The following PDXK variants were observed in gnomAD, a reference collection of about 807,000 sequenced individuals.
PDXK encodes epididymis secretory sperm binding protein Li 1a.
In PDXK, 15 loss-of-function variants were observed where a neutral mutation model predicts 43.2. That is an observed-to-expected ratio of 0.35 (90% CI 0.23 to 0.53). PDXK has a LOEUF of 0.53. Ranked by LOEUF, PDXK falls within the 20% of genes least tolerant of loss-of-function variation. The pLI is 0.92. For missense variants in PDXK, 343 were observed against 417.0 expected (o/e 0.82, Z 1.54); for synonymous variants, 172 against 165.4 (o/e 1.04, Z -0.31).
In PDXK at chr21:43,756,418, T is replaced by G; in HGVS notation, c.*355T>G. ...GCCTCGAGTGGGCCCTGGCTGCCAC[T>G]ACCGTACAGAGGCCGTGTCGCGCTG... On this transcript the variant is annotated 3_prime_UTR_variant, in exon 11 of 11. Coordinates refer to ENST00000291565, the MANE Select transcript of PDXK (RefSeq NM_003681.5). The G allele has an allele frequency of 8.2e-6, 2 of 244,630 alleles. No homozygotes were observed. The highest frequency in any genetic ancestry group is 2.3e-5 in the African/African-American group (1 of 43,790). The allele number at this position is 244,630 out of a possible 1,614,324, so 15.2% of individuals were successfully genotyped here.
intron 1 of PDXK, among the ~76,000 whole-genome samples, chr21:43,721,034 G>T (rs539248660): frequency 6.6e-6 from 1 of 152,124 alleles, no homozygotes; most frequent in African/African-American, 2.4e-5. Context: ...TTCCTACCTC[G>T]GGTCTCCCCA....
At chr21:43,733,536 C>G in intron 1 of PDXK, 1 of 427,398 alleles carries the variant, frequency 2.3e-6, no homozygotes, top group Non-Finnish European at 3.2e-6. Context: ...CTCACCCTCT[C>G]CCTCCCTCTC....
intron 2 of PDXK, chr21:43,738,443 C>G (rs2083440399): frequency 6.6e-6 from 1 of 152,166 alleles, no homozygotes. Flanking sequence ...TCTCACACTG[C>G]TAATTGTTGG....
intron 1 of PDXK, among the ~76,000 whole-genome samples, chr21:43,725,754 G>A (rs1232251523): frequency 1.3e-5 from 2 of 151,986 alleles, no homozygotes; most frequent in Non-Finnish European, 2.9e-5. Context: ...AGGTTGCAGT[G>A]AGCCAAGATT....
intron 7 of PDXK, among the ~76,000 whole-genome samples, chr21:43,750,854 G>A (rs1426669378): frequency 3.3e-5 from 5 of 151,604 alleles, no homozygotes; most frequent in African/African-American, 1.2e-4. Flanking sequence ...GTGTGCACAT[G>A]TGCATGTGCG....
chr21:43,756,884 T>C lies in PDXK; in HGVS notation c.*821T>C, dbSNP rs1310740282. Reference sequence around the variant, plus strand: ...GAGAACCACCCCGTCAGGTTCCTTGTGGAAGCTCCCCTCATCCGTGGTGCA... The same window carrying C: ...GAGAACCACCCCGTCAGGTTCCTTGCGGAAGCTCCCCTCATCCGTGGTGCA... On this transcript the variant is annotated 3_prime_UTR_variant, in exon 11 of 11. Coordinates refer to ENST00000291565, the MANE Select transcript of PDXK (RefSeq NM_003681.5). 1 of 152,384 alleles carries C rather than the reference T, an allele frequency of 6.6e-6. No individual in the cohort carries two copies. The highest frequency in any genetic ancestry group is 2.4e-5 in the African/African-American group (1 of 41,478). 9.4% of individuals were successfully genotyped at this position (152,384 alleles called of 1,614,324 possible). A position where few individuals can be genotyped will look rare whatever the true frequency, so the allele number is the denominator to read the frequency against.
intron 1 of PDXK, chr21:43,728,856 CG>C: frequency 1.0e-6 from 1 of 985,572 alleles, no homozygotes; most frequent in African/African-American, 1.7e-5. Flanking sequence ...ACTTCCGCTG[CG>C]GCCCCCGCAG....
At chr21:43,744,228 G>C (rs1036569909) in intron 4 of PDXK, among the ~76,000 whole-genome samples, 1 of 152,004 alleles carries the variant, frequency 6.6e-6, no homozygotes, top group African/African-American at 2.4e-5. Context: ...TAGGGAGTGG[G>C]GGGAGGGAGG....
intron 1 of PDXK, among the ~76,000 whole-genome samples, chr21:43,724,758 C>G (rs1340107324): frequency 2.6e-5 from 4 of 151,820 alleles, no homozygotes; most frequent in African/African-American, 4.8e-5. Context: ...GGAGGATCAC[C>G]TGATCCCAGG....
chr21:43,739,562 AAGG>A (rs777645225), intron 2 of PDXK, among the ~76,000 whole-genome samples: 3 of 147,804 alleles, frequency 2.0e-5, no homozygotes, highest in Admixed American at 6.8e-5. Context: ...TGGCGGCAGG[AAGG>A]AGAAGTGCAG....
At chr21:43,736,139 G>A (rs2083397522) in intron 2 of PDXK, among the ~76,000 whole-genome samples, 1 of 151,230 alleles carries the variant, frequency 6.6e-6, no homozygotes, top group East Asian at 2.0e-4. Context: ...TTTCCTTTTT[G>A]TTCCCCCTAC....
At position 43,734,006 on chromosome 21, in the gene PDXK, TG is replaced by T; in HGVS notation, c.88-59del. The T allele has an allele frequency of 3.9e-6, 6 of 1,534,166 alleles. No individual in the cohort carries two copies. In the South Asian group the frequency reaches 5.6e-5, roughly 14 times the overall value. On this transcript the variant is annotated intron_variant, in intron 1 of 10. Coordinates refer to ENST00000291565, the MANE Select transcript of PDXK (RefSeq NM_003681.5). The surrounding 1 kb of genome is among the most constrained non-coding windows in gnomAD (Gnocchi z 5.0). ...TCCCCTCTTCTGAGTCAGCACCTGC[TG>T]GGGTTCGTGGGACCCCAGACCTGGC...
rs985087607 is a variant in PDXK at position 43,733,647 on chromosome 21, C to T, written c.88-422C>T. 10 of 1,059,380 alleles carry T rather than the reference C, an allele frequency of 9.4e-6. No homozygotes were observed. In the African/African-American group the frequency reaches 1.0e-4, roughly 11 times the overall value. 65.6% of individuals were successfully genotyped at this position (1,059,380 alleles called of 1,614,324 possible). On this transcript the variant is annotated intron_variant, in intron 1 of 10. Coordinates refer to ENST00000291565, the MANE Select transcript of PDXK (RefSeq NM_003681.5). ...GACTTCTTCCAAGGGGTGGGGTAGA[C>T]GCCCACATTTTCACAGCAGAGACAG...
At chr21:43,741,535 G>A (rs543267321) in intron 2 of PDXK, 132 bp from the exon 3 acceptor site, 22 of 1,491,506 alleles carry the variant, frequency 1.5e-5, no homozygotes, top group African/African-American at 5.6e-5. Flanking sequence ...GATCTCCTTC[G>A]GGTTTGAGCC....
At position 43,752,639 on chromosome 21, in the gene PDXK, C is replaced by T. The variant is rs753672504; in HGVS notation, c.622+10C>T. On this transcript the variant is annotated intron_variant, in intron 8 of 10. Coordinates refer to ENST00000291565, the MANE Select transcript of PDXK (RefSeq NM_003681.5). ...GGGAGTCAGAGGAGGAGTAAGTGCC[C>T]CCATCGTGCACCGTGGCCGCCTCTG... The T allele has an allele frequency of 1.3e-6, 2 of 1,533,908 alleles. No homozygotes were observed. The highest frequency in any genetic ancestry group is 1.8e-6 in the Non-Finnish European group (2 of 1,107,926).
intron 7 of PDXK, among the ~76,000 whole-genome samples, chr21:43,750,751 A>ATGTGTGCG (rs2083723885): frequency 7.4e-6 from 1 of 134,502 alleles, no homozygotes; most frequent in Admixed American, 7.3e-5. Context: ...GTGTGTGTGC[A>ATGTGTGCG]TGTGTGCGTG....
Position 43,756,375 on chromosome 21 carries a change from G to A in PDXK, c.*312G>A, listed in dbSNP as rs977375601. On this transcript the variant is annotated 3_prime_UTR_variant, in exon 11 of 11. Coordinates refer to ENST00000291565, the MANE Select transcript of PDXK (RefSeq NM_003681.5). The stretch of plus-strand genomic sequence containing the variant: ...TGTGGGAGGGTGAGTGGGTGAGGCC[G>A]AGCCTGCTGCGTGTGGAGCCTCGAG... 20 of 310,126 alleles carry A rather than the reference G, an allele frequency of 6.4e-5. No individual in the cohort carries two copies. The highest frequency in any genetic ancestry group is 3.5e-4 in the East Asian group (4 of 11,572). The allele number at this position is 310,126 out of a possible 1,614,324, so 19.2% of individuals were successfully genotyped here.
In PDXK at chr21:43,743,827, C is replaced by T. The variant is rs374926446; in HGVS notation, c.331+20C>T. The T allele has an allele frequency of 3.1e-5, 49 of 1,581,574 alleles. No homozygotes were observed. The highest frequency in any genetic ancestry group is 4.4e-5 in the South Asian group (4 of 89,916). Reference sequence around the variant, plus strand: ...TGTACGGTAGGCAGGGGCCCACCCTCGGGTCTGGCTGTGTGGCCCCACACG... The same window carrying T: ...TGTACGGTAGGCAGGGGCCCACCCTTGGGTCTGGCTGTGTGGCCCCACACG... On this transcript the variant is annotated intron_variant, in intron 4 of 10. Coordinates refer to ENST00000291565, the MANE Select transcript of PDXK (RefSeq NM_003681.5).
At chr21:43,727,000 A>G (rs970289066) in intron 1 of PDXK, among the ~76,000 whole-genome samples, 1 of 152,104 alleles carries the variant, frequency 6.6e-6, no homozygotes, top group African/African-American at 2.4e-5. Context: ...ATGTGTGTGT[A>G]TGCGGTGTGT....
Sources: gnomAD v4.1 joint callset for allele counts (sites outside exome capture counted in the v4.1 genomes callset) on GRCh38, gnomAD v4.1.1 for gene constraint, Gnocchi (gnomAD v3.1) non-coding constraint, MANE v1.5 for transcripts, NCBI Gene and HGNC (gene_info 2026-07-23, HGNC 2026-07-21) for gene names.